The following SDAD1 variants were observed in gnomAD, a reference collection of about 807,000 sequenced individuals.
SDAD1 encodes the protein SDA1 domain containing 1.
In SDAD1, 79 loss-of-function variants were observed where a neutral mutation model predicts 100.3. That is an observed-to-expected ratio of 0.79 (90% CI 0.66 to 0.95). The LOEUF is 0.95. Ranked by LOEUF, SDAD1 falls within the 40% of genes least tolerant of loss-of-function variation. The pLI, the probability that SDAD1 is intolerant of heterozygous loss-of-function variation, is 0.00. For missense variants in SDAD1, 790 were observed against 810.9 expected (o/e 0.97, Z 0.31); for synonymous variants, 267 against 271.4 (o/e 0.98, Z 0.16).
chr4:75,967,284 G>A lies in SDAD1; in HGVS notation c.1038C>T (p.His346=), dbSNP rs745625636. Residue 346 remains histidine, a synonymous_variant, in exon 12 of 22, where the codon CAC becomes CAT. Coordinates refer to ENST00000356260, the MANE Select transcript of SDAD1 (RefSeq NM_018115.4). ...YPFLQRFLQP[H]QREVTKILLF... ...TGGCAAGTGGCAGCTTACCTCTTTGGTGGGGCTGCAGAAACCTTTGCAAAA... is the reference window on the plus strand; with the variant it reads ...TGGCAAGTGGCAGCTTACCTCTTTGATGGGGCTGCAGAAACCTTTGCAAAA... 1.2e-6 allele frequency: 2 copies of A among 1,614,122 alleles called. No individual in the cohort carries two copies. The highest frequency in any genetic ancestry group is 2.2e-5 in the South Asian group (2 of 91,086).
chr4:75,979,883 T>C (rs1309554267), intron 3 of SDAD1, among the ~76,000 whole-genome samples: 2 of 152,120 alleles, frequency 1.3e-5, no homozygotes, highest in Non-Finnish European at 2.9e-5. Context: ...TAGGCTGCAG[T>C]GTAGTGGCTA....
At chr4:75,957,102 T>G (rs1475304135) in intron 20 of SDAD1, among the ~76,000 whole-genome samples, 2 of 152,058 alleles carry the variant, frequency 1.3e-5, no homozygotes, top group African/African-American at 4.8e-5. Context: ...AGAGAGAGAC[T>G]GTCGCAAAAA....
At chr4:75,973,630 C>T (rs1729990599) in intron 7 of SDAD1, among the ~76,000 whole-genome samples, 1 of 152,026 alleles carries the variant, frequency 6.6e-6, no homozygotes, top group South Asian at 2.1e-4. Context: ...TCAAGACTGT[C>T]GAGAATTTCT....
At chr4:75,964,834 T>C (rs2203303) in intron 13 of SDAD1, among the ~76,000 whole-genome samples, 152,200 of 152,350 alleles carry the variant, frequency 1, 76,025 homozygotes, top group Middle Eastern at 1. Context: ...ACATGTATCA[T>C]TTCCCCAATC....
rs940750401 is a variant in SDAD1, at chr4:75,981,984, T to C, written c.144A>G (p.Gln48=). The change falls in exon 2 of 22, where the codon CAA becomes CAG. Residue 48 remains glutamine, a synonymous_variant. Coordinates refer to ENST00000356260, the MANE Select transcript of SDAD1 (RefSeq NM_018115.4). ...YKSNVEIFKL[Q]PNKPSKELAE... ...CTAGTTCTTTGCTGGGTTTATTTGGTTGCAATTTGAAAATCTCCACATTGG... is the reference window on the plus strand; with the variant it reads ...CTAGTTCTTTGCTGGGTTTATTTGGCTGCAATTTGAAAATCTCCACATTGG... 2 of 1,612,484 alleles carry C rather than the reference T, an allele frequency of 1.2e-6. No individual in the cohort carries two copies. The highest frequency in any genetic ancestry group is 1.3e-5 in the African/African-American group (1 of 74,878).
chr4:75,975,433 C>T (rs1578137702), intron 6 of SDAD1, among the ~76,000 whole-genome samples: 1 of 152,144 alleles, frequency 6.6e-6, no homozygotes, highest in Non-Finnish European at 1.5e-5. Flanking sequence ...AATAGCTAAA[C>T]TTTTACTAAC....
chr4:75,953,724 T>G (rs539080741), intron 21 of SDAD1, among the ~76,000 whole-genome samples: 41 of 152,344 alleles, frequency 2.7e-4, no homozygotes, highest in African/African-American at 8.9e-4. Context: ...AGGCTGATCC[T>G]TGGCTAGCTA....
intron 1 of SDAD1, among the ~76,000 whole-genome samples, chr4:75,987,820 T>C (rs1730994554): frequency 6.6e-6 from 1 of 152,154 alleles, no homozygotes; most frequent in African/African-American, 2.4e-5. Context: ...CTAAATTTAA[T>C]GGTGGTCAAC....
chr4:75,952,092 A>C lies in SDAD1; in HGVS notation c.2017-1295T>G, dbSNP rs573886888. Among the ~76,000 whole-genome samples the C allele has an allele frequency of 1.5e-3, 235 of 152,336 alleles. 1 individual carries two copies. Among genetic ancestry groups the C allele is most frequent in the Middle Eastern group, 3.4e-3 (1 of 294 alleles). ...AAAAGCAGAAGAGCTGGGATACTTA[A>C]GGCAGAACAAAAATCTGTAAGTTCA... On this transcript the variant is annotated intron_variant, in intron 21 of 21. Transcript: ENST00000356260.
In SDAD1 at chr4:75,950,787, C is replaced by T. The variant is rs145814675; in HGVS notation, c.2027G>A (p.Arg676Gln). Residue 676 changes from arginine to glutamine, a missense_variant, in exon 22 of 22, where the codon CGA becomes CAA. By Grantham distance (43) the Arg-to-Gln change is conservative. Transcript: ENST00000356260. ...RSFREKQLAL[R>Q]DALLKKRKRM... ...TTTTCTCTTTTTCAAAAGTGCATCT[C>T]GTAGTGCCAACTGTAAGATAAAAAA... The T allele has an allele frequency of 1.5e-5, 23 of 1,585,430 alleles. No individual in the cohort carries two copies. The highest frequency in any genetic ancestry group is 5.4e-5 in the African/African-American group (4 of 74,532).
chr4:75,977,822 A>G lies in SDAD1; in HGVS notation c.295-66T>C, dbSNP rs904468518. 5.4e-5 allele frequency: 50 copies of G among 927,724 alleles called. No homozygotes were observed. The East Asian group carries it at 5.8e-4, about 11-fold the overall frequency. 57.5% of individuals were successfully genotyped at this position (927,724 alleles called of 1,614,324 possible). Reference sequence around the variant, plus strand: ...TTAACAAGGTGAGAAAATACAGCGTATATGTCCCAAGACCTTAATGTCTTT... The same window carrying G: ...TTAACAAGGTGAGAAAATACAGCGTGTATGTCCCAAGACCTTAATGTCTTT... On this transcript the variant is annotated intron_variant, in intron 3 of 21. Coordinates refer to ENST00000356260, the MANE Select transcript of SDAD1 (RefSeq NM_018115.4).
chr4:75,981,396 G>A lies in SDAD1; in HGVS notation c.270C>T (p.Thr90=), dbSNP rs1387963256. 4 of 1,613,796 alleles carry A rather than the reference G, an allele frequency of 2.5e-6. No individual in the cohort carries two copies. The highest frequency in any genetic ancestry group is 2.7e-5 in the African/African-American group (2 of 75,002). ...CCATTCGCAGATCTGGATCCAATAC[G>A]GTATGATTGCAGGAGAGAAGATCTT... ...EVKDLLSCNH[T]VLDPDLRMTF... is the part of the protein sequence containing the mutation. Residue 90 remains threonine, a synonymous_variant, in exon 3 of 22, where the codon ACC becomes ACT. Transcript: ENST00000356260.
At chr4:75,960,267 T>G in intron 16 of SDAD1, 75 bp from the exon 17 acceptor site, 1 of 1,269,736 alleles carries the variant, frequency 7.9e-7, no homozygotes, top group Non-Finnish European at 1.1e-6. Context: ...GTCTCTGAAA[T>G]TATGAATTTA....
chr4:75,984,631 CTTATG>C (rs2149331863), intron 1 of SDAD1, among the ~76,000 whole-genome samples: 1 of 152,262 alleles, frequency 6.6e-6, no homozygotes, highest in South Asian at 2.1e-4. Context: ...AACTCACTTA[CTTATG>C]TTTAGTTGTA....
At position 75,981,367 on chromosome 4, in the gene SDAD1, C is replaced by G. The variant is rs746444586; in HGVS notation, c.294+5G>C. ...ACAATTTATTCATCCAACTACTGGT[C>G]CTACCATTCGCAGATCTGGATCCAA... On this transcript the variant is annotated splice_donor_5th_base_variant and intron_variant, in intron 3 of 21. Transcript: ENST00000356260. 1 of 1,613,444 alleles carries G rather than the reference C, an allele frequency of 6.2e-7. No homozygotes were observed. The highest frequency in any genetic ancestry group is 1.1e-5 in the South Asian group (1 of 91,050).
intron 3 of SDAD1, among the ~76,000 whole-genome samples, chr4:75,979,570 C>T (rs1730372242): frequency 6.6e-6 from 1 of 151,854 alleles, no homozygotes; most frequent in African/African-American, 2.4e-5. Flanking sequence ...ATTCTCCTGA[C>T]TGAGCCTCCC....
intron 4 of SDAD1, 118 bp from the exon 5 acceptor site, chr4:75,976,113 T>C: frequency 1.6e-6 from 1 of 644,214 alleles, no homozygotes. Context: ...TTTCATTCTA[T>C]CCCAAAAGAA....
At chr4:75,977,532 G>T in intron 4 of SDAD1, 114 bp downstream of exon 4, 1 of 731,598 alleles carries the variant, frequency 1.4e-6, no homozygotes. Flanking sequence ...CACAATGGTT[G>T]CTTTTTCCTG....
At position 75,974,106 on chromosome 4, in the gene SDAD1, G is replaced by A; in HGVS notation, c.606C>T (p.Ile202=). 1 of 1,613,782 alleles carries A rather than the reference G, an allele frequency of 6.2e-7. No homozygotes were observed. Among genetic ancestry groups the A allele is most frequent in the South Asian group, 1.1e-5 (1 of 91,074 alleles). ...IWNDAKTVNV[I]TTACFSKVTK... ...TGACCTTAGAGAAACATGCAGTTGT[G>A]ATAACATTGACAGTTTTTGCATCAT... is the stretch of plus-strand genomic sequence containing the variant. The change falls in exon 7 of 22, where the codon ATC becomes ATT. Residue 202 remains isoleucine, a synonymous_variant. Transcript: ENST00000356260.
Sources: allele counts gnomAD v4.1 joint callset (sites outside exome capture counted in the v4.1 genomes callset), GRCh38; gene constraint gnomAD v4.1.1; transcripts MANE v1.5; gene names NCBI Gene and HGNC (gene_info 2026-07-23, HGNC 2026-07-21).